Variants in SMYD3 observed in about 807,000 individuals in gnomAD.
The protein encoded by SMYD3 is histone-lysine N-methyltransferase SMYD3.
Under a neutral mutation model 57.7 loss-of-function variants are expected in SMYD3, and 36 were observed. That is an observed-to-expected ratio of 0.62 (90% CI 0.48 to 0.82). The LOEUF is 0.82. SMYD3 is among the 40% of genes least tolerant of loss of function. SMYD3 has a pLI of 0.00. For synonymous variants in SMYD3, 211 were observed against 195.0 expected, an observed-to-expected ratio of 1.08 and a Z score of -0.68; for missense variants, 515 against 538.8, an observed-to-expected ratio of 0.96 and a Z score of 0.44.
chr1:245,832,448 T>C lies in SMYD3; in HGVS notation c.1076+26048A>G, dbSNP rs112165773. Among the ~76,000 whole-genome samples the C allele has an allele frequency of 6.2e-3, 949 of 152,110 alleles. 8 individuals are homozygous for C. The highest frequency in any genetic ancestry group is 0.021 in the African/African-American group (887 of 41,460). On this transcript the variant is annotated intron_variant, in intron 10 of 11. Coordinates refer to ENST00000490107, the MANE Select transcript of SMYD3 (RefSeq NM_001167740.2). ...TTATTTCTAAGATTCTAAGACATCA[T>C]CAGTTTTAAGCTCCTCATCGATTTA...
intron 5 of SMYD3, among the ~76,000 whole-genome samples, chr1:245,962,108 C>T (rs1434449897): frequency 6.6e-6 from 1 of 152,126 alleles, no homozygotes; most frequent in African/African-American, 2.4e-5. Flanking sequence ...AGCTGTATTT[C>T]ATCTGTTTTA....
chr1:246,148,647 G>T (rs952888714), intron 5 of SMYD3, among the ~76,000 whole-genome samples: 5 of 152,202 alleles, frequency 3.3e-5, no homozygotes, highest in Admixed American at 6.5e-5. Context: ...AGGAAGAAAA[G>T]ATGGAGAAAA....
rs578050035 is a variant in SMYD3, at chr1:246,232,914, T to C, written c.531+94287A>G. ...ACACAGAGGAGAAGCACTCCTCAAT[T>C]CACACTGTGATGAACATATACCACA... On this transcript the variant is annotated intron_variant, in intron 5 of 11. Transcript: ENST00000490107. 9.5e-3 allele frequency among the ~76,000 whole-genome samples: 1,161 copies of C among 122,198 alleles called. 2 individuals are homozygous for C. Among genetic ancestry groups the C allele is most frequent in the African/African-American group, 0.02 (594 of 30,242 alleles). The allele number at this position is 122,198 out of a possible 152,430, so 80.2% of individuals were successfully genotyped here. A position where few individuals can be genotyped will look rare whatever the true frequency, so the allele number is the denominator to read the frequency against.
At chr1:245,910,994 A>C (rs1463200352) in intron 8 of SMYD3, among the ~76,000 whole-genome samples, 1 of 152,136 alleles carries the variant, frequency 6.6e-6, no homozygotes, top group African/African-American at 2.4e-5. Context: ...CAAAGTATTC[A>C]TTGGACAAGA....
chr1:245,886,596 G>A (rs1452712561), intron 8 of SMYD3, among the ~76,000 whole-genome samples: 1 of 152,068 alleles, frequency 6.6e-6, no homozygotes, highest in Non-Finnish European at 1.5e-5. Flanking sequence ...GGTATTAATC[G>A]AACCCAAAAG....
At chr1:246,474,820 T>C (rs1054880724) in intron 1 of SMYD3, among the ~76,000 whole-genome samples, 3 of 152,110 alleles carry the variant, frequency 2.0e-5, no homozygotes, top group Non-Finnish European at 4.4e-5. Flanking sequence ...CCTCCCACTT[T>C]CCAAGAAGTT....
chr1:245,808,951 T>G (rs1341109087), intron 10 of SMYD3, among the ~76,000 whole-genome samples: 1 of 151,996 alleles, frequency 6.6e-6, no homozygotes, highest in African/African-American at 2.4e-5. Flanking sequence ...TTAGAAGAGA[T>G]GGGGTTTCAC....
chr1:245,988,824 T>C (rs574155529), intron 5 of SMYD3, among the ~76,000 whole-genome samples: 2 of 152,330 alleles, frequency 1.3e-5, no homozygotes, highest in Non-Finnish European at 1.5e-5. Flanking sequence ...AAGGCTTTTT[T>C]TGTCAGTAGG....
intron 5 of SMYD3, among the ~76,000 whole-genome samples, chr1:246,063,081 AGGCAGACTCTCAGGGCTC>A (rs1281407766): frequency 6.6e-6 from 1 of 152,154 alleles, no homozygotes; most frequent in Non-Finnish European, 1.5e-5. Context: ...GTTATCTACT[AGGCAGACTCTCAGGGCTC>A]GGCACACAGT....
At chr1:246,175,366 A>G (rs549372574) in intron 5 of SMYD3, among the ~76,000 whole-genome samples, 1 of 152,338 alleles carries the variant, frequency 6.6e-6, no homozygotes, top group South Asian at 2.1e-4. Flanking sequence ...GAGGTTTACA[A>G]TTCAGGTAAA....
chr1:246,349,962 C>A (rs1428885492), intron 2 of SMYD3, among the ~76,000 whole-genome samples: 1 of 152,142 alleles, frequency 6.6e-6, no homozygotes, highest in African/African-American at 2.4e-5. Flanking sequence ...CTAAATGCAT[C>A]AATTAAAAGA....
chr1:246,273,564 GTTTCACTAATCTTTTT>G (rs1430403898), intron 5 of SMYD3, among the ~76,000 whole-genome samples: 1 of 130,376 alleles, frequency 7.7e-6, no homozygotes, highest in African/African-American at 2.9e-5. Flanking sequence ...GCAGCTTTTG[GTTTCACTAATCTTTTT>G]TTTTTTTTTT....
At chr1:246,189,545 G>A (rs2062699513) in intron 5 of SMYD3, among the ~76,000 whole-genome samples, 1 of 152,114 alleles carries the variant, frequency 6.6e-6, no homozygotes, top group Admixed American at 6.5e-5. Context: ...GACAAAATAG[G>A]AAAGATGAAA....
intron 10 of SMYD3, among the ~76,000 whole-genome samples, chr1:245,779,093 G>A (rs925904585): frequency 2.6e-5 from 4 of 151,664 alleles, no homozygotes; most frequent in Non-Finnish European, 5.9e-5. Flanking sequence ...CCAGAAGGAG[G>A]AGGGTGCAAT....
At chr1:246,287,884 A>G (rs897010039) in intron 5 of SMYD3, among the ~76,000 whole-genome samples, 1 of 152,108 alleles carries the variant, frequency 6.6e-6, no homozygotes, top group Non-Finnish European at 1.5e-5. Flanking sequence ...TTTTAAAATG[A>G]GGGCTGAAAA....
chr1:245,947,215 G>A (rs2057454786), intron 5 of SMYD3, among the ~76,000 whole-genome samples: 1 of 152,160 alleles, frequency 6.6e-6, no homozygotes, highest in South Asian at 2.1e-4. Flanking sequence ...CACAGAGAGA[G>A]AGATATTCTC....
chr1:246,467,101 T>C (rs1362574361), intron 1 of SMYD3, among the ~76,000 whole-genome samples: 1 of 151,864 alleles, frequency 6.6e-6, no homozygotes, highest in Non-Finnish European at 1.5e-5. Flanking sequence ...GCCCAGGAGG[T>C]GGAGGTTGGA....
chr1:246,245,120 C>CTTTTTTTTTTTTTTTT lies in SMYD3; in HGVS notation c.531+82065_531+82080dup, dbSNP rs74163421. Among the ~76,000 whole-genome samples, 504 of 122,706 alleles carry CTTTTTTTTTTTTTTTT rather than the reference C, an allele frequency of 4.1e-3. 5 individuals carry two copies. The highest frequency in any genetic ancestry group is 5.8e-3 in the Non-Finnish European group (342 of 59,086). 80.5% of individuals were successfully genotyped at this position (122,706 alleles called of 152,430 possible). On this transcript the variant is annotated intron_variant, in intron 5 of 11. Transcript: ENST00000490107. ...CCTAAAAGAATTCAGCAGCTACTGC[C>CTTTTTTTTTTTTTTTT]TTTTTTTTTTTTTTTTTTTTTAGTT...
chr1:245,785,644 C>CGAGAGAGAGA (rs59644890), intron 10 of SMYD3, among the ~76,000 whole-genome samples: 18 of 149,376 alleles, frequency 1.2e-4, no homozygotes, highest in African/African-American at 2.9e-4. Context: ...AGAGAGCGAG[C>CGAGAGAGAGA]GAGAGAGAGA....
Sources: allele counts gnomAD v4.1 joint callset (sites outside exome capture counted in the v4.1 genomes callset), GRCh38; gene constraint gnomAD v4.1.1; transcripts MANE v1.5; gene names NCBI Gene and HGNC (gene_info 2026-07-23, HGNC 2026-07-21).